The following PLGRKT variants were observed in gnomAD, a reference collection of about 807,000 sequenced individuals.
PLGRKT encodes plasminogen receptor with a C-terminal lysine.
In PLGRKT, 22 loss-of-function variants were observed where a neutral mutation model predicts 18.5. The observed-to-expected ratio is 1.19, with a 90% CI of 0.85 to 1.70. The LOEUF (loss-of-function observed/expected upper bound fraction) is 1.70. Among genes scored for constraint, PLGRKT ranks in the 40% most tolerant of loss-of-function variants. PLGRKT has a pLI of 0.00. For synonymous variants in PLGRKT, 72 were observed against 52.8 expected, an observed-to-expected ratio of 1.36 and a Z score of -1.58; for missense variants, 235 against 174.4, an observed-to-expected ratio of 1.35 and a Z score of -1.96.
At chr9:5,382,054 C>T (rs1262542332) in intron 3 of PLGRKT, 1 of 969,446 alleles carries the variant, frequency 1.0e-6, no homozygotes, top group Non-Finnish European at 1.2e-6. Context: ...TCATATTAGC[C>T]TCACAACTTT....
intron 3 of PLGRKT, among the ~76,000 whole-genome samples, chr9:5,424,071 ATATATG>A (rs1818629700): frequency 6.9e-6 from 1 of 144,422 alleles, no homozygotes; most frequent in Non-Finnish European, 1.5e-5. Context: ...CCCAGCTAAT[ATATATG>A]TATAATATAT....
intron 3 of PLGRKT, among the ~76,000 whole-genome samples, chr9:5,380,954 G>A (rs943914597): frequency 6.6e-6 from 1 of 152,168 alleles, no homozygotes; most frequent in African/African-American, 2.4e-5. Context: ...CGAGTTCTCA[G>A]AAGACCTGAT....
chr9:5,421,232 C>G (rs1021503383), intron 3 of PLGRKT, among the ~76,000 whole-genome samples: 1 of 152,206 alleles, frequency 6.6e-6, no homozygotes, highest in Non-Finnish European at 1.5e-5. Flanking sequence ...CTCAGTGTCT[C>G]TGCATTCACT....
chr9:5,391,679 A>G (rs943645637), intron 3 of PLGRKT, among the ~76,000 whole-genome samples: 3 of 151,936 alleles, frequency 2.0e-5, no homozygotes, highest in Non-Finnish European at 4.4e-5. Flanking sequence ...GCTCTTCTCC[A>G]TGGATGAACC....
intron 3 of PLGRKT, among the ~76,000 whole-genome samples, chr9:5,431,522 A>C (rs10758689): frequency 1.4e-5 from 2 of 138,804 alleles, no homozygotes; most frequent in Non-Finnish European, 3.0e-5. Flanking sequence ...CAACACAGTG[A>C]GACTCTCTCA....
intron 3 of PLGRKT, among the ~76,000 whole-genome samples, chr9:5,372,721 G>C (rs1021446858): frequency 8.5e-5 from 13 of 152,140 alleles, no homozygotes; most frequent in African/African-American, 3.1e-4. Context: ...GTCTCCTTCA[G>C]GGGTGCCTAC....
chr9:5,401,855 A>T (rs1818160663), intron 3 of PLGRKT, among the ~76,000 whole-genome samples: 1 of 151,918 alleles, frequency 6.6e-6, no homozygotes. Flanking sequence ...GGGGACATCA[A>T]TTCTATTGTG....
rs1284458970 is a variant in PLGRKT at position 5,361,109 on chromosome 9, C to A, written c.291G>T (p.Leu97Phe). Reference protein sequence around the residue: ...LSFILTYQYDLGYGTLLERMK... With the variant: ...LSFILTYQYDFGYGTLLERMK... The stretch of plus-strand genomic sequence containing the variant: ...TTCTTTCTAAAAGGGTTCCATAGCC[C>A]AAGTCATACTGGTAGGTGAGGATAA... The change falls in exon 5 of 6, where the codon TTG becomes TTT. Residue 97 changes from leucine to phenylalanine, a missense_variant. Transcript: ENST00000223864. The A allele has an allele frequency of 6.2e-7, 1 of 1,602,100 alleles. No homozygotes were observed. The highest frequency in any genetic ancestry group is 8.5e-7 in the Non-Finnish European group (1 of 1,169,892).
intron 3 of PLGRKT, among the ~76,000 whole-genome samples, chr9:5,404,578 C>T (rs1337662663): frequency 1.3e-5 from 2 of 152,140 alleles, no homozygotes; most frequent in Admixed American, 6.5e-5. Context: ...AATTCAACAT[C>T]GCTTCATGTT....
Position 5,418,526 on chromosome 9 carries a change from C to T in PLGRKT, c.81+13371G>A. Reference sequence around the variant, plus strand: ...ATGCCCCGCCTGTCCTGCTCCTCCTCCGCCACCCCCTGGGGAGCCCTGCCT... The same window carrying T: ...ATGCCCCGCCTGTCCTGCTCCTCCTTCGCCACCCCCTGGGGAGCCCTGCCT... On this transcript the variant is annotated intron_variant, in intron 3 of 5. Transcript: ENST00000223864. This position sits in a 1 kb window ranked among gnomAD's most constrained non-coding sequence, Gnocchi z 4.2. 1.0e-6 allele frequency: 1 copy of T among 970,774 alleles called. No individual in the cohort carries two copies. Among genetic ancestry groups the T allele is most frequent in the Non-Finnish European group, 1.7e-6 (1 of 602,770 alleles). The allele number at this position is 970,774 out of a possible 1,614,324, so 60.1% of individuals were successfully genotyped here. A position where few individuals can be genotyped will look rare whatever the true frequency, so the allele number is the denominator to read the frequency against.
intron 3 of PLGRKT, among the ~76,000 whole-genome samples, chr9:5,413,983 G>A (rs1818412310): frequency 6.6e-6 from 1 of 152,098 alleles, no homozygotes; most frequent in Non-Finnish European, 1.5e-5. Flanking sequence ...AGAGAAGGGG[G>A]CATAAGAAAA....
Position 5,390,471 on chromosome 9 carries a change from G to A in PLGRKT, c.82-28583C>T, listed in dbSNP as rs3780389. 1.4e-4 allele frequency among the ~76,000 whole-genome samples: 21 copies of A among 152,000 alleles called. No homozygotes were observed. The East Asian group carries it at 3.7e-3, about 27-fold the overall frequency. ...GGGGGCTGAAGACCCTTCCCGCCTT[G>A]GCTGTCCCCACAGGGTCCAAGGGCA... On this transcript the variant is annotated intron_variant, in intron 3 of 5. Coordinates refer to ENST00000223864, the MANE Select transcript of PLGRKT (RefSeq NM_018465.4).
At chr9:5,435,778 T>G (rs1010121686) in intron 2 of PLGRKT, among the ~76,000 whole-genome samples, 1 of 152,224 alleles carries the variant, frequency 6.6e-6, no homozygotes, top group African/African-American at 2.4e-5. Flanking sequence ...CTTTTCTCTT[T>G]AATAGGCTGT....
In PLGRKT at chr9:5,390,235, GTA is replaced by G. The variant is rs34908382; in HGVS notation, c.82-28349_82-28348del. 5.8e-4 allele frequency among the ~76,000 whole-genome samples: 46 copies of G among 79,538 alleles called. 1 individual carries two copies. Among genetic ancestry groups the G allele is most frequent in the Admixed American group, 4.0e-3 (34 of 8,510 alleles). 52.2% of individuals were successfully genotyped at this position (79,538 alleles called of 152,430 possible). ...TGTGTGCGTGTGTGTGTGTGTGTGT[GTA>G]TGTGTATATATATATATATATTTGC... On this transcript the variant is annotated intron_variant, in intron 3 of 5. Coordinates refer to ENST00000223864, the MANE Select transcript of PLGRKT (RefSeq NM_018465.4).
chr9:5,434,595 C>T (rs1472687967), intron 2 of PLGRKT, among the ~76,000 whole-genome samples: 13 of 149,832 alleles, frequency 8.7e-5, no homozygotes, highest in South Asian at 2.1e-4. Flanking sequence ...TCTGCCTGGC[C>T]GCCCCCTCTG....
At chr9:5,380,578 C>T (rs936094230) in intron 3 of PLGRKT, among the ~76,000 whole-genome samples, 2 of 152,040 alleles carry the variant, frequency 1.3e-5, no homozygotes, top group African/African-American at 2.4e-5. Context: ...AAGTGCTTCA[C>T]CCCCTAAACA....
intron 3 of PLGRKT, among the ~76,000 whole-genome samples, chr9:5,366,697 G>A (rs922513975): frequency 1.6e-4 from 25 of 152,134 alleles, no homozygotes; most frequent in African/African-American, 5.1e-4. Flanking sequence ...AACAAAACAA[G>A]GATGCCCCCT....
At position 5,431,759 on chromosome 9, in the gene PLGRKT, C is replaced by G. The variant is rs1307351598; in HGVS notation, c.81+138G>C. ...CCCATTCACCAGATAATTAGTAAGC[C>G]ATTTTATCTTGGTTTTAAGGATGCA... On this transcript the variant is annotated intron_variant, in intron 3 of 5. Coordinates refer to ENST00000223864, the MANE Select transcript of PLGRKT (RefSeq NM_018465.4). The G allele has an allele frequency of 1.7e-5, 10 of 581,340 alleles. No homozygotes were observed. In the Admixed American group the frequency reaches 3.0e-4, roughly 18 times the overall value. The allele number at this position is 581,340 out of a possible 1,614,324, so 36.0% of individuals were successfully genotyped here. A position where few individuals can be genotyped will look rare whatever the true frequency, so the allele number is the denominator to read the frequency against.
chr9:5,395,186 A>G (rs1460817185), intron 3 of PLGRKT, among the ~76,000 whole-genome samples: 1 of 151,868 alleles, frequency 6.6e-6, no homozygotes, highest in Non-Finnish European at 1.5e-5. Context: ...GGGTTTTACA[A>G]TTTTCAAGAG....
Sources: allele counts gnomAD v4.1 joint callset (sites outside exome capture counted in the v4.1 genomes callset), GRCh38; gene constraint gnomAD v4.1.1; non-coding constraint Gnocchi (gnomAD v3.1); transcripts MANE v1.5; gene names NCBI Gene and HGNC (gene_info 2026-07-23, HGNC 2026-07-21).